Variants in MATR3 observed in about 807,000 individuals in gnomAD.
MATR3 encodes matrin-3.
In MATR3, 4 loss-of-function variants were observed where a neutral mutation model predicts 85.5. The observed-to-expected ratio is 0.05, with a 90% confidence interval of 0.02 to 0.11. The LOEUF is 0.11. Ranked by LOEUF, MATR3 falls within the 10% of genes least tolerant of loss-of-function variation. MATR3 has a pLI of 1.00. For missense variants in MATR3, 685 were observed against 1,016.1 expected (o/e 0.67, Z 4.43); for synonymous variants, 336 against 343.1 (o/e 0.98, Z 0.23).
rs143567891 is a variant in MATR3, at chr5:139,318,856, G to A, written c.1309-52G>A. 2,496 of 1,595,294 alleles carry A rather than the reference G, an allele frequency of 1.6e-3. 3 individuals carry two copies. The highest frequency in any genetic ancestry group is 1.9e-3 in the Non-Finnish European group (2,156 of 1,163,822). ...TAGGAAAAAAAATCTTTAGTTCAAT[G>A]TGAGAAAGCTGATTGGAAAAAACAG... On this transcript the variant is annotated intron_variant, in intron 7 of 14. Coordinates refer to ENST00000394805, the MANE Select transcript of MATR3 (RefSeq NM_018834.6).
chr5:139,302,149 G>GA (rs1448407974), intron 1 of MATR3, among the ~76,000 whole-genome samples: 1 of 152,086 alleles, frequency 6.6e-6, no homozygotes, highest in African/African-American at 2.4e-5. Flanking sequence ...TTTTAGTAGA[G>GA]ACGGGGTTTC....
intron 1 of MATR3, among the ~76,000 whole-genome samples, chr5:139,300,438 G>A (rs960502800): frequency 1.3e-5 from 2 of 152,174 alleles, no homozygotes; most frequent in African/African-American, 4.8e-5. Flanking sequence ...TGACATTAAA[G>A]TTGATACATG....
intron 6 of MATR3, among the ~76,000 whole-genome samples, 172 bp from the exon 7 acceptor site, chr5:139,317,424 G>T (rs778115352): frequency 6.6e-6 from 1 of 152,192 alleles, no homozygotes; most frequent in Non-Finnish European, 1.5e-5. Flanking sequence ...TGGTCAGAAA[G>T]AACTTACCCA....
At chr5:139,322,407 T>A in intron 10 of MATR3, 56 bp from the exon 11 acceptor site, 1 of 1,448,176 alleles carries the variant, frequency 6.9e-7, no homozygotes, top group Non-Finnish European at 9.7e-7. Flanking sequence ...ATTAATTCAC[T>A]GGATAATTGT....
chr5:139,281,352 TTTTG>T lies in MATR3; in HGVS notation c.-178+2227_-178+2230del, dbSNP rs1753513361. Among the ~76,000 whole-genome samples, 3 of 147,802 alleles carry T rather than the reference TTTTG, an allele frequency of 2.0e-5. No homozygotes were observed. In the Admixed American group the frequency reaches 2.0e-4, roughly 10 times the overall value. On this transcript the variant is annotated intron_variant, in intron 3 of 16. Coordinates refer to ENST00000509990, the Ensembl canonical transcript of MATR3. ...TGCCTGGCCTCGAAGTAGTTTTTTT[TTTTG>T]TTTTTTTTTTTTTTTTTGCTCTGTT...
Position 139,330,942 on chromosome 5 carries a change from C to CA in MATR3, c.*1548dup. Reference sequence around the variant, plus strand: ...AGTAGCTGGGACTACAGGCTCATGCCACTATACCTGGCTAGTTTTTGGTTT... The same window carrying CA: ...AGTAGCTGGGACTACAGGCTCATGCCAACTATACCTGGCTAGTTTTTGGTTT... On this transcript the variant is annotated 3_prime_UTR_variant, in exon 15 of 15. Transcript: ENST00000394805. The CA allele has an allele frequency of 2.2e-6, 1 of 454,040 alleles. No homozygotes were observed. The highest frequency in any genetic ancestry group is 4.4e-6 in the Non-Finnish European group (1 of 226,780). The allele number at this position is 454,040 out of a possible 1,614,324, so 28.1% of individuals were successfully genotyped here.
chr5:139,311,914 T>A (rs1167574552), intron 2 of MATR3: 1 of 151,816 alleles, frequency 6.6e-6, no homozygotes, highest in African/African-American at 2.4e-5. Flanking sequence ...ATTACAGGCA[T>A]ACATCACCAT....
intron 2 of MATR3, among the ~76,000 whole-genome samples, chr5:139,309,848 C>CA (rs1411115453): frequency 6.6e-6 from 1 of 152,198 alleles, no homozygotes; most frequent in East Asian, 1.9e-4. Context: ...CTGGTGACTC[C>CA]AATTTTTTCT....
chr5:139,328,110 C>T (rs1755952277), intron 14 of MATR3, among the ~76,000 whole-genome samples: 1 of 151,774 alleles, frequency 6.6e-6, no homozygotes, highest in South Asian at 2.1e-4. Context: ...TGATCGCCTG[C>T]CTCAGCCTCC....
chr5:139,281,356 G>C (rs201786047), intron 3 of MATR3, among the ~76,000 whole-genome samples: 4 of 101,038 alleles, frequency 4.0e-5, no homozygotes, highest in African/African-American at 1.5e-4. Context: ...TTTTTTTTTT[G>C]TTTTTTTTTT....
chr5:139,320,169 C>T lies in MATR3; in HGVS notation c.1602+668C>T, dbSNP rs150397412. On this transcript the variant is annotated intron_variant, in intron 9 of 14. Coordinates refer to ENST00000394805, the MANE Select transcript of MATR3 (RefSeq NM_018834.6). The stretch of plus-strand genomic sequence containing the variant: ...TAAAAATACAAAAAAATTAGCTGGG[C>T]GTGGTGGCGTGCGCCTGTTGTCCCA... 6.4e-3 allele frequency among the ~76,000 whole-genome samples: 964 copies of T among 151,658 alleles called. 9 individuals carry two copies. Among genetic ancestry groups the T allele is most frequent in the African/African-American group, 0.022 (917 of 41,322 alleles).
intron 1 of MATR3, among the ~76,000 whole-genome samples, chr5:139,294,361 ACT>A (rs1754025105): frequency 6.6e-6 from 1 of 151,608 alleles, no homozygotes; most frequent in African/African-American, 2.4e-5. Flanking sequence ...GATTTCGCAG[ACT>A]CTGAAGAGCC....
chr5:139,318,962 A>G lies in MATR3; in HGVS notation c.1363A>G (p.Thr455Ala), dbSNP rs781213918. Residue 455 changes from threonine to alanine, a missense_variant, in exon 8 of 15, where the codon ACA becomes GCA. Around this residue, in one of 9 missense-constraint regions of MATR3, gnomAD observed 32 missense variants for 88.0 expected, o/e 0.36. Transcript: ENST00000394805. ...TGCTCAGGCCGCAGTGGATTATTAC[A>G]CAACCACACCAGCGTTAGTATTTGG... is the stretch of plus-strand genomic sequence containing the variant. ...EDAQAAVDYY[T>A]TTPALVFGKP... 9.3e-6 allele frequency: 15 copies of G among 1,613,952 alleles called. No individual in the cohort carries two copies. The highest frequency in any genetic ancestry group is 1.6e-4 in the Middle Eastern group (1 of 6,084).
At chr5:139,315,804 TCAA>T in intron 4 of MATR3, 66 bp downstream of exon 4, 1 of 1,260,766 alleles carries the variant, frequency 7.9e-7, no homozygotes. Context: ...GGTTTCACTT[TCAA>T]CATTTCATAA....
At chr5:139,303,082 G>A (rs1754535160) in intron 1 of MATR3, among the ~76,000 whole-genome samples, 3 of 150,766 alleles carry the variant, frequency 2.0e-5, no homozygotes, top group Admixed American at 2.0e-4. Flanking sequence ...TACAAAGACT[G>A]AGAAGAGAAA....
chr5:139,291,376 C>T (rs1031754955), upstream of MATR3, among the ~76,000 whole-genome samples: 19 of 152,242 alleles, frequency 1.2e-4, no homozygotes, highest in South Asian at 2.1e-4. Flanking sequence ...GCCTTTGTCT[C>T]CTTTCCTGCT....
rs1755960818 is a variant in MATR3, at chr5:139,328,261, C to T, written c.2494-1084C>T. On this transcript the variant is annotated intron_variant, in intron 14 of 14. Coordinates refer to ENST00000394805, the MANE Select transcript of MATR3 (RefSeq NM_018834.6). Reference sequence around the variant, plus strand: ...CTTGCTAATGGTAAATTGATACTTTCCTAACTGGATGTTTGTGGGGTGATT... The same window carrying T: ...CTTGCTAATGGTAAATTGATACTTTTCTAACTGGATGTTTGTGGGGTGATT... Among the ~76,000 whole-genome samples the T allele has an allele frequency of 4.7e-5, 7 of 150,408 alleles. 1 individual carries two copies. In the South Asian group the frequency reaches 1.5e-3, roughly 32 times the overall value.
chr5:139,324,266 G>C (rs185744524), intron 12 of MATR3, among the ~76,000 whole-genome samples: 28 of 150,808 alleles, frequency 1.9e-4, no homozygotes, highest in Admixed American at 1.7e-3. Flanking sequence ...TTAAACTTGG[G>C]CAGTCATTCT....
chr5:139,327,414 T>G (rs1045560822), intron 14 of MATR3, among the ~76,000 whole-genome samples: 1 of 151,994 alleles, frequency 6.6e-6, no homozygotes, highest in African/African-American at 2.4e-5. Context: ...AGCAATGTAG[T>G]ACAAATTATT....
Sources: gnomAD v4.1 joint callset for allele counts (sites outside exome capture counted in the v4.1 genomes callset) on GRCh38, gnomAD v4.1.1 for gene constraint, gnomAD v4.1.1 regional missense constraint, MANE v1.5 for transcripts, NCBI Gene and HGNC (gene_info 2026-07-23, HGNC 2026-07-21) for gene names.